Variants in ARMC9 observed in about 807,000 individuals in gnomAD.
The protein encoded by ARMC9 is armadillo repeat containing 9, also known as lisH domain-containing protein ARMC9.
ARMC9 carries 94 observed loss-of-function variants against 107.0 expected under a neutral mutation model. The observed-to-expected ratio is 0.88, with a 90% CI of 0.74 to 1.04. The LOEUF (loss-of-function observed/expected upper bound fraction) is 1.04. Ranked by LOEUF, ARMC9 falls within the 50% of genes least tolerant of loss-of-function variation. ARMC9 has a pLI of 0.00. For synonymous variants in ARMC9, 380 were observed against 396.9 expected, an observed-to-expected ratio of 0.96 and a Z score of 0.51; for missense variants, 942 against 1,030.1, an observed-to-expected ratio of 0.91 and a Z score of 1.17.
intron 17 of ARMC9, among the ~76,000 whole-genome samples, chr2:231,286,060 G>A (rs984587758): frequency 6.6e-6 from 1 of 152,182 alleles, no homozygotes; most frequent in Admixed American, 6.5e-5. Flanking sequence ...GATCGTGCAC[G>A]GTGCTAGGGA....
chr2:231,266,405 AT>A (rs1408717259), intron 12 of ARMC9, among the ~76,000 whole-genome samples: 2 of 152,194 alleles, frequency 1.3e-5, no homozygotes, highest in Non-Finnish European at 2.9e-5. Flanking sequence ...TGAATTTTTC[AT>A]TTTTAGCTGA....
chr2:231,249,453 G>T (rs764733386), intron 9 of ARMC9, among the ~76,000 whole-genome samples: 39 of 152,098 alleles, frequency 2.6e-4, no homozygotes, highest in African/African-American at 9.4e-4. Context: ...TCCCCATCCT[G>T]CTAGTCACCA....
At chr2:231,341,746 C>G (rs1271932154) in intron 20 of ARMC9, among the ~76,000 whole-genome samples, 2 of 151,754 alleles carry the variant, frequency 1.3e-5, no homozygotes, top group Admixed American at 1.3e-4. Flanking sequence ...CACAAATACT[C>G]AAAACCAATT....
intron 2 of ARMC9, among the ~76,000 whole-genome samples, chr2:231,206,950 G>A (rs1418691096): frequency 6.6e-6 from 1 of 152,228 alleles, no homozygotes; most frequent in Non-Finnish European, 1.5e-5. Flanking sequence ...CCGTGCAACT[G>A]CAGATTTGGA....
At chr2:231,365,447 A>G (rs1281324938) in intron 23 of ARMC9, among the ~76,000 whole-genome samples, 1 of 152,176 alleles carries the variant, frequency 6.6e-6, no homozygotes, top group East Asian at 1.9e-4. Flanking sequence ...CCGGCTGCTA[A>G]GCATCACCCA....
chr2:231,202,161 G>A (rs2005013), intron 1 of ARMC9, among the ~76,000 whole-genome samples: 41,121 of 151,284 alleles, frequency 0.27, 5,834 homozygotes, highest in African/African-American at 0.32. Flanking sequence ...CACCACACCC[G>A]GCTAATTTTT....
chr2:231,369,915 G>A, intron 23 of ARMC9, 38 bp from the exon 24 acceptor site: 10 of 1,446,590 alleles, frequency 6.9e-6, no homozygotes, highest in Non-Finnish European at 9.1e-6. Flanking sequence ...TTCTAATGCT[G>A]TAGTAGCTGG....
chr2:231,221,294 G>T (rs1354005997), intron 5 of ARMC9, among the ~76,000 whole-genome samples: 1 of 152,086 alleles, frequency 6.6e-6, no homozygotes, highest in Non-Finnish European at 1.5e-5. Context: ...TCTTCTTCTT[G>T]TAAGGACATA....
At chr2:231,350,300 A>G (rs1233801324) in intron 21 of ARMC9, among the ~76,000 whole-genome samples, 1 of 152,122 alleles carries the variant, frequency 6.6e-6, no homozygotes, top group Non-Finnish European at 1.5e-5. Flanking sequence ...TGCTGGGATT[A>G]CAGGTGTGAG....
At chr2:231,270,475 C>T in intron 12 of ARMC9, 2 of 375,052 alleles carry the variant, frequency 5.3e-6, no homozygotes, top group South Asian at 4.1e-5. Context: ...TCCACAGTGC[C>T]CGTTGCTGCC....
intron 1 of ARMC9, among the ~76,000 whole-genome samples, chr2:231,204,072 G>T (rs558770396): frequency 6.6e-6 from 1 of 151,920 alleles, no homozygotes; most frequent in South Asian, 2.1e-4. Context: ...TACTCAGGAG[G>T]CTGAGGTGGG....
chr2:231,363,849 A>C lies in ARMC9; in HGVS notation c.2261+2966A>C, dbSNP rs572395116. ...CAGTGAGCCGAGATCGCACCACTGC[A>C]CTCCAGCCTGGACGACAGAGTAAGA... On this transcript the variant is annotated intron_variant, in intron 23 of 24. Transcript: ENST00000611582. Among the ~76,000 whole-genome samples the C allele has an allele frequency of 8.9e-3, 1,176 of 132,558 alleles. 4 individuals carry two copies. Among genetic ancestry groups the C allele is most frequent in the Middle Eastern group, 0.022 (4 of 184 alleles). The allele number at this position is 132,558 out of a possible 152,430, so 87.0% of individuals were successfully genotyped here.
intron 9 of ARMC9, chr2:231,240,253 G>T (rs183505436): frequency 3.5e-6 from 2 of 567,122 alleles, no homozygotes; most frequent in East Asian, 6.1e-5. Context: ...GGAGAGAGGC[G>T]TGTTCTGCCT....
In ARMC9 at chr2:231,360,982, C is replaced by G; in HGVS notation, c.2261+99C>G. On this transcript the variant is annotated intron_variant, in intron 23 of 24. Transcript: ENST00000611582. The surrounding 1 kb of genome is among the most constrained non-coding windows in gnomAD (Gnocchi z 4.7). ...AGCACCCAGGAGACCTGGAAGGCTCCTCTGAGGCCCAGCCTCTGACAGGGG... is the reference window on the plus strand; with the variant it reads ...AGCACCCAGGAGACCTGGAAGGCTCGTCTGAGGCCCAGCCTCTGACAGGGG... The G allele has an allele frequency of 7.0e-7, 1 of 1,429,034 alleles. No homozygotes were observed. The highest frequency in any genetic ancestry group is 1.5e-5 in the South Asian group (1 of 67,722). The allele number at this position is 1,429,034 out of a possible 1,614,324, so 88.5% of individuals were successfully genotyped here. A position where few individuals can be genotyped will look rare whatever the true frequency, so the allele number is the denominator to read the frequency against.
chr2:231,272,897 A>G (rs1287070739), intron 13 of ARMC9, 58 bp from the exon 14 acceptor site: 2 of 1,582,908 alleles, frequency 1.3e-6, no homozygotes, highest in Admixed American at 3.6e-5. Context: ...GTGGTTTTGT[A>G]GCATACCAGA....
At chr2:231,258,909 T>G in intron 10 of ARMC9, 82 bp from the exon 11 acceptor site, 3 of 1,263,316 alleles carry the variant, frequency 2.4e-6, no homozygotes, top group Non-Finnish European at 3.4e-6. Flanking sequence ...AGGCTCTAGC[T>G]TGGGTGTCAT....
intron 18 of ARMC9, chr2:231,295,621 G>A (rs1268817922): frequency 1.3e-5 from 2 of 152,216 alleles, no homozygotes; most frequent in Non-Finnish European, 2.9e-5. Context: ...CCAACTTACT[G>A]CTCTTTTGTA....
chr2:231,350,946 C>CTTTTTTTTTTTTTTTTT lies in ARMC9; in HGVS notation c.1995-4838_1995-4822dup, dbSNP rs770225857. Among the ~76,000 whole-genome samples, 15 of 50,598 alleles carry CTTTTTTTTTTTTTTTTT rather than the reference C, an allele frequency of 3.0e-4. 5 individuals carry two copies. The highest frequency in any genetic ancestry group is 1.3e-3 in the African/African-American group (13 of 10,074). 33.2% of individuals were successfully genotyped at this position (50,598 alleles called of 152,430 possible). A position where few individuals can be genotyped will look rare whatever the true frequency, so the allele number is the denominator to read the frequency against. On this transcript the variant is annotated intron_variant, in intron 21 of 24. Transcript: ENST00000611582. Reference sequence around the variant, plus strand: ...ATCCTATTTGCACAAAGTGACAATTCTTTTTTTTTTTTTTTTTTTTTTTTT... The same window carrying CTTTTTTTTTTTTTTTTT: ...ATCCTATTTGCACAAAGTGACAATTCTTTTTTTTTTTTTTTTTTTTTTTTTTTTTTTTTTTTTTTTTT...
intron 17 of ARMC9, among the ~76,000 whole-genome samples, chr2:231,290,885 A>AG (rs1334559703): frequency 1.3e-5 from 2 of 151,982 alleles, no homozygotes; most frequent in Non-Finnish European, 2.9e-5. Flanking sequence ...GAAAAAAAAA[A>AG]CTAGCTCCCA....
Sources: gnomAD v4.1 joint callset for allele counts (sites outside exome capture counted in the v4.1 genomes callset) on GRCh38, gnomAD v4.1.1 for gene constraint, Gnocchi (gnomAD v3.1) non-coding constraint, MANE v1.5 for transcripts, NCBI Gene and HGNC (gene_info 2026-07-23, HGNC 2026-07-21) for gene names.